The following ECEL1 variants were observed in gnomAD, a reference collection of about 807,000 sequenced individuals.
ECEL1 encodes endothelin converting enzyme like 1.
A neutral mutation model predicts 101.8 loss-of-function variants in ECEL1; 87 were observed. The ratio of observed to expected loss-of-function variants is 0.85; its 90% CI spans 0.72 to 1.02. The LOEUF (loss-of-function observed/expected upper bound fraction) is 1.02, where lower values mean the gene tolerates loss of function less well. ECEL1 is among the 50% of genes least tolerant of loss of function. The pLI, the probability that ECEL1 is intolerant of heterozygous loss-of-function variation, is 0.00. For missense variants in ECEL1, 1,032 were observed against 1,079.2 expected, an observed-to-expected ratio of 0.96 and a Z score of 0.61; for synonymous variants, 487 against 468.7, an observed-to-expected ratio of 1.04 and a Z score of -0.50.
At chr2:232,482,297 C>T (rs910660819) in intron 12 of ECEL1, 121 bp downstream of exon 12, 18 of 1,374,248 alleles carry the variant, frequency 1.3e-5, no homozygotes, top group Admixed American at 8.4e-5. Flanking sequence ...GCTGTCCTGA[C>T]TCCTGAACCC....
chr2:232,482,788 T>A, intron 10 of ECEL1, 63 bp downstream of exon 10: 3 of 1,589,938 alleles, frequency 1.9e-6, no homozygotes, highest in Non-Finnish European at 2.6e-6. Context: ...CGATTTGCCC[T>A]ACCAGCTCCT....
rs1326722779 is a variant in ECEL1 at position 232,483,088 on chromosome 2, G to A, written c.1581+17C>T. The A allele has an allele frequency of 6.2e-7, 1 of 1,609,714 alleles. No homozygotes were observed. Among genetic ancestry groups the A allele is most frequent in the African/African-American group, 1.3e-5 (1 of 74,912 alleles). Reference sequence around the variant, plus strand: ...GAGGGGCTGTGGACAGGCTGGGCAGGCAGGGTCAGGGCCCACCTCATACTC... The same window carrying A: ...GAGGGGCTGTGGACAGGCTGGGCAGACAGGGTCAGGGCCCACCTCATACTC... On this transcript the variant is annotated intron_variant, in intron 9 of 17. Coordinates refer to ENST00000304546, the MANE Select transcript of ECEL1 (RefSeq NM_004826.4).
Position 232,482,444 on chromosome 2 carries a change from G to C in ECEL1, c.1770C>G (p.Pro590=), listed in dbSNP as rs746138178. 2.2e-5 allele frequency: 36 copies of C among 1,614,002 alleles called. No homozygotes were observed. Among genetic ancestry groups the C allele is most frequent in the Non-Finnish European group, 2.7e-5 (32 of 1,180,022 alleles). ...GTGGGAAGTCAGGGTCGTACAGGGTGGGCTGCAGGATGCCCGCGGGGAACA... is the reference window on the plus strand; with the variant it reads ...GTGGGAAGTCAGGGTCGTACAGGGTCGGCTGCAGGATGCCCGCGGGGAACA... ...QMVFPAGILQ[P]TLYDPDFPQS... is the part of the protein sequence containing the mutation. Residue 590 remains proline (P), a synonymous_variant, in exon 12 of 18, where the codon CCC becomes CCG. Transcript: ENST00000304546.
intron 10 of ECEL1, 109 bp from the exon 11 acceptor site, chr2:232,482,717 CG>C: frequency 6.7e-7 from 1 of 1,495,062 alleles, no homozygotes; most frequent in Non-Finnish European, 9.2e-7. Flanking sequence ...GTCACCCTGC[CG>C]GCCCCCACCC....
Position 232,480,826 on chromosome 2 carries a change from A to T in ECEL1, c.2056-13T>A. 5 of 1,609,828 alleles carry T rather than the reference A, an allele frequency of 3.1e-6. No individual in the cohort carries two copies. Among genetic ancestry groups the T allele is most frequent in the Admixed American group, 1.7e-5 (1 of 59,526 alleles). ...ACTTCTGATAGGCCTGGGGACACAG[A>T]GAGCATGGACCTGCTATGCCCGCCC... On this transcript the variant is annotated splice_polypyrimidine_tract_variant and intron_variant, in intron 15 of 17. Coordinates refer to ENST00000304546, the MANE Select transcript of ECEL1 (RefSeq NM_004826.4).
At chr2:232,481,454 G>T in intron 14 of ECEL1, 52 bp downstream of exon 14, 1 of 1,565,796 alleles carries the variant, frequency 6.4e-7, no homozygotes, top group Admixed American at 1.9e-5. Context: ...TGATGCTCCC[G>T]GCCCGTGCCC....
intron 16 of ECEL1, 120 bp downstream of exon 16, chr2:232,480,598 C>G (rs552970094): frequency 2.0e-6 from 3 of 1,497,318 alleles, no homozygotes; most frequent in Non-Finnish European, 2.8e-6. Context: ...TCACCTCTGA[C>G]GGGACAGGTG....
At chr2:232,485,822 C>A in intron 2 of ECEL1, 46 bp downstream of exon 2, 1 of 1,534,992 alleles carries the variant, frequency 6.5e-7, no homozygotes, top group South Asian at 1.2e-5. Flanking sequence ...GGCCACTGCG[C>A]CCCGGATCCG....
intron 17 of ECEL1, 64 bp from the exon 18 acceptor site, chr2:232,480,316 G>T: frequency 6.2e-7 from 1 of 1,612,214 alleles, no homozygotes; most frequent in African/African-American, 1.3e-5. Flanking sequence ...AGCAACCAGG[G>T]GTGACTTTTA....
Position 232,486,475 on chromosome 2 carries a change from A to T in ECEL1, c.179T>A (p.Val60Glu). ...GAACACCAGCCCCGACAGCAGGCAC[A>T]CCTCGCGCCGGTTCCAGCGCGGCAG... ...SGLPRWNRRE[V>E]CLLSGLVFAA... Residue 60 changes from valine to glutamate, a missense_variant, in exon 2 of 18, where the codon GTG becomes GAG. Transcript: ENST00000304546. 7.0e-7 allele frequency: 1 copy of T among 1,426,182 alleles called. No homozygotes were observed. Among genetic ancestry groups the T allele is most frequent in the Non-Finnish European group, 9.1e-7 (1 of 1,100,638 alleles). 88.3% of individuals were successfully genotyped at this position (1,426,182 alleles called of 1,614,324 possible).
At chr2:232,485,132 C>A (rs761496317) in intron 3 of ECEL1, 41 bp from the exon 4 acceptor site, 1 of 1,611,836 alleles carries the variant, frequency 6.2e-7, no homozygotes, top group Non-Finnish European at 8.5e-7. Flanking sequence ...CAGGGACAGG[C>A]CTAGCCTGGA....
Position 232,481,768 on chromosome 2 carries a change from C to T in ECEL1, c.1864+14G>A, listed in dbSNP as rs770673747. ...CCCCTCCGGGCCATCCCCTGGGGCC[C>T]CAACAGGCCTCACCCCAGTCGTCGT... On this transcript the variant is annotated intron_variant, in intron 13 of 17. Transcript: ENST00000304546. The T allele has an allele frequency of 6.2e-7, 1 of 1,613,794 alleles. No homozygotes were observed. The highest frequency in any genetic ancestry group is 8.5e-7 in the Non-Finnish European group (1 of 1,179,906).
chr2:232,484,313 G>C lies in ECEL1; in HGVS notation c.1185-90C>G. 1.9e-6 allele frequency: 3 copies of C among 1,564,418 alleles called. No individual in the cohort carries two copies. In the South Asian group the frequency reaches 3.6e-5, roughly 19 times the overall value. On this transcript the variant is annotated intron_variant, in intron 6 of 17. Transcript: ENST00000304546. ...CCCCTACCTGTGCCCGCCAACCTGT[G>C]GCTGGACCCAGGACCCAGACAGCCC...
rs1249735877 is a variant in ECEL1 at position 232,481,283 on chromosome 2, G to T, written c.1990-127C>A. On this transcript the variant is annotated intron_variant, in intron 14 of 17. Coordinates refer to ENST00000304546, the MANE Select transcript of ECEL1 (RefSeq NM_004826.4). ...CCTTCCCTTGCCCAGAGAGTTTGAG[G>T]GGGGGCTCCAACCCTACTCTTTCCT... 1.0e-5 allele frequency: 14 copies of T among 1,355,406 alleles called. No homozygotes were observed. The South Asian group carries it at 1.9e-4, about 18-fold the overall frequency. 84.0% of individuals were successfully genotyped at this position (1,355,406 alleles called of 1,614,324 possible).
intron 2 of ECEL1, among the ~76,000 whole-genome samples, 165 bp downstream of exon 2, chr2:232,485,703 C>A (rs770088196): frequency 6.6e-6 from 1 of 152,330 alleles, no homozygotes; most frequent in East Asian, 1.9e-4. Flanking sequence ...CTTGCGCCCT[C>A]CTCCCGCGCT....
At chr2:232,482,747 G>T in intron 10 of ECEL1, 104 bp downstream of exon 10, 1 of 1,514,074 alleles carries the variant, frequency 6.6e-7, no homozygotes, top group Non-Finnish European at 9.1e-7. Flanking sequence ...GTGCTGGCGT[G>T]TGTGCCCCCC....
rs1427639602 is a variant in ECEL1, at chr2:232,486,382, C to G, written c.272G>C (p.Gly91Ala). 1.1e-5 allele frequency: 17 copies of G among 1,482,278 alleles called. No individual in the cohort carries two copies. Among genetic ancestry groups the G allele is most frequent in the Non-Finnish European group, 1.5e-5 (17 of 1,128,178 alleles). 91.8% of individuals were successfully genotyped at this position (1,482,278 alleles called of 1,614,324 possible). Residue 91 changes from glycine (G) to alanine (A), a missense_variant, in exon 2 of 18, where the codon GGC becomes GCC. By Grantham distance (60) the Gly-to-Ala change is moderately conservative. Transcript: ENST00000304546. ...ALKYLGPVAAGGGACPEGCPE... is the reference protein window; with the variant it reads ...ALKYLGPVAAAGGACPEGCPE... ...GCAGCCCTCGGGACAGGCGCCGCCG[C>G]CGGCCGCGACCGGGCCCAGGTACTT...
intron 7 of ECEL1, 62 bp downstream of exon 7, chr2:232,483,939 C>T: frequency 2.6e-6 from 4 of 1,521,508 alleles, no homozygotes; most frequent in Non-Finnish European, 3.6e-6. Flanking sequence ...AGGACCATGG[C>T]CTCGGGAGGG....
Position 232,484,094 on chromosome 2 carries a change from G to A in ECEL1, c.1314C>T (p.Ala438=), listed in dbSNP as rs1690657143. 1 of 1,613,878 alleles carries A rather than the reference G, an allele frequency of 6.2e-7. No individual in the cohort carries two copies. The highest frequency in any genetic ancestry group is 8.5e-7 in the Non-Finnish European group (1 of 1,180,020). The part of the protein sequence containing the change: ...MEGSDKPQEL[A]RVCLGQANRH... ...GATTGGCCTGGCCCAAGCAGACCCG[G>A]GCCAGCTCCTGTGGCTTGTCGCTGC... is the stretch of plus-strand genomic sequence containing the variant. The change falls in exon 7 of 18, where the codon GCC becomes GCT. Residue 438 remains alanine, a synonymous_variant. Transcript: ENST00000304546.
Sources: allele counts gnomAD v4.1 joint callset (sites outside exome capture counted in the v4.1 genomes callset), GRCh38; gene constraint gnomAD v4.1.1; transcripts MANE v1.5; gene names NCBI Gene and HGNC (gene_info 2026-07-23, HGNC 2026-07-21).